JAKMIP3: variants seen among roughly 807,000 people sequenced by gnomAD.
JAKMIP3 encodes the protein Janus kinase and microtubule interacting protein 3, also known as janus kinase and microtubule-interacting protein 3.
Under a neutral mutation model 118.5 loss-of-function variants are expected in JAKMIP3, and 58 were observed. The ratio of observed to expected loss-of-function variants is 0.49; its 90% CI spans 0.40 to 0.61. JAKMIP3 has a LOEUF of 0.61. Among genes scored for constraint, JAKMIP3 ranks in the 20% least tolerant of loss-of-function variants. The pLI is 0.00. For synonymous variants in JAKMIP3, 486 were observed against 451.2 expected, an observed-to-expected ratio of 1.08 and a Z score of -0.98; for missense variants, 950 against 1,109.0, an observed-to-expected ratio of 0.86 and a Z score of 2.04.
intron 9 of JAKMIP3, among the ~76,000 whole-genome samples, chr10:132,139,397 TGTGA>T (rs773382428): frequency 1.1e-4 from 15 of 138,158 alleles, no homozygotes; most frequent in African/African-American, 2.0e-4. Context: ...TGTATGAGTA[TGTGA>T]GTGTGTATGT....
chr10:132,135,271 G>A, intron 5 of JAKMIP3, 111 bp downstream of exon 5: 5 of 1,129,710 alleles, frequency 4.4e-6, no homozygotes, highest in South Asian at 1.5e-5. Flanking sequence ...TGGTTGCAAG[G>A]ACCGGCCTTG....
intron 1 of JAKMIP3, among the ~76,000 whole-genome samples, chr10:132,076,678 G>A (rs1403726197): frequency 6.6e-6 from 1 of 150,742 alleles, no homozygotes; most frequent in Non-Finnish European, 1.5e-5. Context: ...CTGATGGCAT[G>A]AGGACTGGCC....
chr10:132,045,098 C>T (rs2037869025), intron 1 of JAKMIP3, among the ~76,000 whole-genome samples: 1 of 152,120 alleles, frequency 6.6e-6, no homozygotes, highest in Non-Finnish European at 1.5e-5. Flanking sequence ...TCTTTCATCC[C>T]GTTTTCCACA....
intron 2 of JAKMIP3, among the ~76,000 whole-genome samples, chr10:132,105,981 A>C (rs1479672823): frequency 7.0e-6 from 1 of 142,978 alleles, no homozygotes; most frequent in African/African-American, 2.8e-5. Flanking sequence ...CCTCCTTGTC[A>C]TATCAAAAGA....
intron 1 of JAKMIP3, among the ~76,000 whole-genome samples, chr10:132,070,289 A>G (rs1042076432): frequency 1.3e-4 from 20 of 152,172 alleles, no homozygotes; most frequent in African/African-American, 4.8e-4. Flanking sequence ...CTGGAATTAC[A>G]GGTGTCCGCC....
chr10:132,123,862 A>C (rs2049007658), intron 3 of JAKMIP3, among the ~76,000 whole-genome samples: 2 of 152,168 alleles, frequency 1.3e-5, no homozygotes, highest in Non-Finnish European at 2.9e-5. Flanking sequence ...TGCCTTGCAA[A>C]TGATGAGGGG....
chr10:132,062,359 G>T (rs749113951), upstream of JAKMIP3, among the ~76,000 whole-genome samples: 10 of 152,146 alleles, frequency 6.6e-5, no homozygotes, highest in Admixed American at 6.5e-4. Flanking sequence ...CCATTCAAGC[G>T]CCTGCTCTGA....
chr10:132,130,298 G>A (rs1330024453), intron 3 of JAKMIP3, among the ~76,000 whole-genome samples: 1 of 152,202 alleles, frequency 6.6e-6, no homozygotes, highest in Non-Finnish European at 1.5e-5. Context: ...GGTGATGGAG[G>A]TCCTTCCTTC....
At chr10:132,108,586 G>C (rs78074146) in intron 2 of JAKMIP3, among the ~76,000 whole-genome samples, 1 of 151,040 alleles carries the variant, frequency 6.6e-6, no homozygotes, top group Non-Finnish European at 1.5e-5. Flanking sequence ...TCATTAACTC[G>C]TCCCTCCCCT....
Position 132,145,157 on chromosome 10 carries a change from G to T in JAKMIP3, c.1653G>T (p.Glu551Asp). 1 of 1,612,370 alleles carries T rather than the reference G, an allele frequency of 6.2e-7. No individual in the cohort carries two copies. The highest frequency in any genetic ancestry group is 8.5e-7 in the Non-Finnish European group (1 of 1,179,700). ...AEVQRAQARI[E>D]DLEKALAEQG... is the part of the protein sequence containing the mutation. The stretch of plus-strand genomic sequence containing the variant: ...TGCAGAGGGCACAGGCGCGGATAGA[G>T]GACCTGGAGAAGGCCCTGGCGGAGC... The change falls in exon 12 of 24, where the codon GAG (glutamate) becomes GAT (aspartate). Residue 551 changes from glutamate to aspartate, a missense_variant. Transcript: ENST00000684848.
chr10:132,128,596 A>G (rs1039025287), intron 3 of JAKMIP3, among the ~76,000 whole-genome samples: 2 of 150,252 alleles, frequency 1.3e-5, no homozygotes, highest in Admixed American at 6.6e-5. Context: ...TTATTTTTCT[A>G]TTTTTTCCTT....
chr10:132,072,015 G>C (rs191241332), intron 1 of JAKMIP3, among the ~76,000 whole-genome samples: 1 of 150,398 alleles, frequency 6.6e-6, no homozygotes, highest in African/African-American at 2.5e-5. Context: ...GCAATGGCAC[G>C]ATCTCGGCTC....
chr10:132,097,884 TCTTCCCTTCCCCTTCCCCTTCCCCTTCCC>T (rs2044125571), intron 1 of JAKMIP3, among the ~76,000 whole-genome samples: 1 of 106,672 alleles, frequency 9.4e-6, no homozygotes, highest in Non-Finnish European at 2.1e-5. Context: ...CCTTTTATTT[TCTTCCCTTCCCCTTCCCCTTCCCCTTCCC>T]CTTCCCCTTT....
At chr10:132,122,301 C>T (rs1016184770) in intron 3 of JAKMIP3, among the ~76,000 whole-genome samples, 3 of 152,102 alleles carry the variant, frequency 2.0e-5, no homozygotes, top group African/African-American at 7.2e-5. Flanking sequence ...GCCCCCCGGT[C>T]GGCTCCCCGG....
chr10:132,176,344 C>G (rs2060138199), intron 23 of JAKMIP3, among the ~76,000 whole-genome samples: 1 of 152,330 alleles, frequency 6.6e-6, no homozygotes, highest in African/African-American at 2.4e-5. Flanking sequence ...GCCTGGTCCC[C>G]TCATCCTCAG....
chr10:132,153,849 G>T (rs765776248), intron 18 of JAKMIP3, 22 bp downstream of exon 18: 1 of 1,612,782 alleles, frequency 6.2e-7, no homozygotes, highest in Non-Finnish European at 8.5e-7. Flanking sequence ...CTTCACCGAG[G>T]TTCTGCGGCT....
At chr10:132,159,210 CTGTGGGGGCATCTCTCCCTGTGTGATG>C (rs2057490571) in intron 19 of JAKMIP3, among the ~76,000 whole-genome samples, 2 of 8,192 alleles carry the variant, frequency 2.4e-4, no homozygotes, top group Non-Finnish European at 3.6e-4. Context: ...CTGTGTGATG[CTGTGGGGGCATCTCTCCCTGTGTGATG>C]CTGGGGGGGC....
rs760742595 is a variant in JAKMIP3, at chr10:132,180,523, C to CTG, written c.*1104-1813_*1104-1812dup. On this transcript the variant is annotated intron_variant, in intron 23 of 23. Coordinates refer to ENST00000684848, the MANE Select transcript of JAKMIP3 (RefSeq NM_001323087.2). ...GAAGACTGCAAACCTGGAAGCAGAACTGTGTGTGTGTGTGTGTGTGTGCGT... is the reference window on the plus strand; with the variant it reads ...GAAGACTGCAAACCTGGAAGCAGAACTGTGTGTGTGTGTGTGTGTGTGTGCGT... 3.7e-3 allele frequency among the ~76,000 whole-genome samples: 275 copies of CTG among 74,430 alleles called. 76 individuals are homozygous for CTG. The highest frequency in any genetic ancestry group is 0.014 in the African/African-American group (159 of 11,738). 48.8% of individuals were successfully genotyped at this position (74,430 alleles called of 152,430 possible). A position where few individuals can be genotyped will look rare whatever the true frequency, so the allele number is the denominator to read the frequency against.
intron 1 of JAKMIP3, among the ~76,000 whole-genome samples, chr10:132,096,316 G>A (rs2043852238): frequency 6.6e-6 from 1 of 152,196 alleles, no homozygotes; most frequent in African/African-American, 2.4e-5. Flanking sequence ...TCTCAAAAGG[G>A]ACTTCTAGTT....
Sources: allele counts gnomAD v4.1 joint callset (sites outside exome capture counted in the v4.1 genomes callset), GRCh38; gene constraint gnomAD v4.1.1; transcripts MANE v1.5; gene names NCBI Gene and HGNC (gene_info 2026-07-23, HGNC 2026-07-21).